Variants in NAA11 observed in about 807,000 individuals in gnomAD.
The protein encoded by NAA11 is N-alpha-acetyltransferase 11.
Under a neutral mutation model 16.1 loss-of-function variants are expected in NAA11, and 15 were observed. The ratio of observed to expected loss-of-function variants is 0.93; its 90% confidence interval spans 0.62 to 1.44. The LOEUF is 1.44. NAA11 is among the 40% of genes most tolerant of loss of function. The pLI is 0.00. For synonymous variants in NAA11, 122 were observed against 112.4 expected (o/e 1.09, Z -0.54); for missense variants, 298 against 291.3 (o/e 1.02, Z -0.17).
At chr4:79,263,943 A>T (rs1325283058) in intron 2 of NAA11, among the ~76,000 whole-genome samples, 1 of 152,130 alleles carries the variant, frequency 6.6e-6, no homozygotes, top group African/African-American at 2.4e-5. Flanking sequence ...TCTGCCTTCC[A>T]TATATTCTGG....
At chr4:79,211,782 T>C in the NAA11 span, 1 of 152,238 alleles carries the variant, frequency 6.6e-6, no homozygotes, top group African/African-American at 2.4e-5. Context: ...TGGCTCACTT[T>C]GCAGGAAAAC....
intron 1 of NAA11, among the ~76,000 whole-genome samples, chr4:79,300,549 A>G (rs750384922): frequency 2.1e-4 from 32 of 152,358 alleles, no homozygotes; most frequent in South Asian, 1.0e-3. Flanking sequence ...TAAGAACTAT[A>G]CAGGGCAGGA....
At chr4:79,190,014 A>G in the NAA11 span, among the ~76,000 whole-genome samples, 10 of 152,310 alleles carry the variant, frequency 6.6e-5, no homozygotes, top group African/African-American at 1.9e-4. Flanking sequence ...GACATTGGGT[A>G]GCAAAACAAA....
intron 1 of NAA11, among the ~76,000 whole-genome samples, chr4:79,307,554 G>A (rs1023468501): frequency 2.6e-5 from 4 of 152,028 alleles, no homozygotes; most frequent in Admixed American, 6.6e-5. Flanking sequence ...TATGGAGTAG[G>A]AACTATGATC....
chr4:79,242,560 T>C (rs1485888673), intron 2 of NAA11, among the ~76,000 whole-genome samples: 2 of 152,230 alleles, frequency 1.3e-5, no homozygotes, highest in Admixed American at 1.3e-4. Context: ...TTGGACATTC[T>C]TCCTCTGCCC....
the NAA11 span, among the ~76,000 whole-genome samples, chr4:79,211,423 G>A: frequency 3.9e-5 from 6 of 151,950 alleles, no homozygotes; most frequent in East Asian, 5.8e-4. Context: ...AATATATACC[G>A]TGTATATATA....
rs546267473 is a variant in NAA11 at position 79,325,380 on chromosome 4, C to T, written c.498G>A (p.Lys166=). Residue 166 remains lysine, a synonymous_variant, in exon 1 of 2, where the codon AAG becomes AAA. Transcript: ENST00000286794. ...DELRRQMDLK[K]GGYVVLGSRE... ...TGGAGCCCAGGACCACATACCCGCC[C>T]TTCTTCAGGTCCATTTGTCGTCTCA... 63 of 1,613,976 alleles carry T rather than the reference C, an allele frequency of 3.9e-5. No homozygotes were observed. The highest frequency in any genetic ancestry group is 5.0e-5 in the Non-Finnish European group (59 of 1,179,968).
chr4:79,225,177 A>G (rs1721282416), downstream of NAA11, among the ~76,000 whole-genome samples: 1 of 152,036 alleles, frequency 6.6e-6, no homozygotes, highest in Admixed American at 6.6e-5. Context: ...AAATAGGGGA[A>G]ACTCAATGTG....
At chr4:79,202,647 A>ATATATATATATATATATATATCTATC in the NAA11 span, among the ~76,000 whole-genome samples, 1 of 126,628 alleles carries the variant, frequency 7.9e-6, no homozygotes, top group East Asian at 2.6e-4. Context: ...ATATATATAT[A>ATATATATATATATATATATATCTATC]TATCTGTGTA....
chr4:79,309,308 A>ATT (rs11464505), intron 1 of NAA11, among the ~76,000 whole-genome samples: 1 of 151,908 alleles, frequency 6.6e-6, no homozygotes, highest in Non-Finnish European at 1.5e-5. Flanking sequence ...TACTTCAGCC[A>ATT]TTTTTTTCCT....
the NAA11 span, among the ~76,000 whole-genome samples, chr4:79,219,568 A>T: frequency 2.0e-5 from 3 of 152,156 alleles, no homozygotes; most frequent in Non-Finnish European, 4.4e-5. Flanking sequence ...ATTTCCTGTT[A>T]TTTGTGCTAT....
chr4:79,239,117 C>A (rs1215245270), intron 2 of NAA11, among the ~76,000 whole-genome samples: 1 of 152,088 alleles, frequency 6.6e-6, no homozygotes, highest in East Asian at 1.9e-4. Context: ...TGGTAGGATT[C>A]CATTGAGCGA....
At chr4:79,168,643 A>G in the NAA11 span, among the ~76,000 whole-genome samples, 1 of 152,106 alleles carries the variant, frequency 6.6e-6, no homozygotes, top group Non-Finnish European at 1.5e-5. Flanking sequence ...TCTTTTTCAC[A>G]TGTTTATTTA....
intron 2 of NAA11, chr4:79,227,867 A>G (rs1721357129): frequency 6.6e-6 from 1 of 151,988 alleles, no homozygotes. Context: ...AGTCACTTCT[A>G]TCATGCATTT....
the NAA11 span, among the ~76,000 whole-genome samples, chr4:79,164,518 TAC>T: frequency 6.6e-6 from 1 of 152,162 alleles, no homozygotes; most frequent in African/African-American, 2.4e-5. Flanking sequence ...CTTGATGAGA[TAC>T]ACTCTTTCAC....
At chr4:79,178,297 A>G in the NAA11 span, among the ~76,000 whole-genome samples, 8 of 152,164 alleles carry the variant, frequency 5.3e-5, no homozygotes, top group Admixed American at 2.6e-4. Flanking sequence ...ACGGCGAACA[A>G]TATTTAATAA....
intron 2 of NAA11, among the ~76,000 whole-genome samples, chr4:79,228,944 C>G (rs959176780): frequency 6.6e-6 from 1 of 151,972 alleles, no homozygotes; most frequent in Non-Finnish European, 1.5e-5. Context: ...TAGGAACATT[C>G]TAGTTACTTT....
chr4:79,155,857 G>A, the NAA11 span, among the ~76,000 whole-genome samples: 1 of 152,182 alleles, frequency 6.6e-6, no homozygotes. Flanking sequence ...CAGGTGTGCT[G>A]GGTAGGTCTG....
intron 2 of NAA11, among the ~76,000 whole-genome samples, chr4:79,270,021 C>A (rs369764197): frequency 6.6e-6 from 1 of 151,032 alleles, no homozygotes; most frequent in African/African-American, 2.4e-5. Context: ...TGTAGGTATG[C>A]GGCGTTATTT....
Sources: gnomAD v4.1 joint callset for allele counts (sites outside exome capture counted in the v4.1 genomes callset) on GRCh38, gnomAD v4.1.1 for gene constraint, MANE v1.5 for transcripts, NCBI Gene and HGNC (gene_info 2026-07-23, HGNC 2026-07-21) for gene names.